The following CACNA1A variants were observed in gnomAD, a reference collection of about 807,000 sequenced individuals.
CACNA1A encodes the protein calcium voltage-gated channel subunit alpha1 A.
CACNA1A carries 57 observed loss-of-function variants against 262.4 expected under a neutral mutation model. The observed-to-expected ratio is 0.22, with a 90% CI of 0.18 to 0.27. The LOEUF is 0.27. Ranked by LOEUF, CACNA1A falls within the 10% of genes least tolerant of loss-of-function variation. CACNA1A has a pLI of 1.00. For synonymous variants in CACNA1A, 1,431 were observed against 1,419.3 expected (o/e 1.01, Z -0.18); for missense variants, 2,526 against 3,562.8 (o/e 0.71, Z 7.41).
intron 3 of CACNA1A, chr19:13,450,745 T>C (rs1048171701): frequency 1.5e-4 from 23 of 152,402 alleles, no homozygotes; most frequent in African/African-American, 5.3e-4. Flanking sequence ...GGTCTCAAAC[T>C]AGTTAGGCTC....
At chr19:13,434,782 A>G (rs1009753570) in intron 3 of CACNA1A, among the ~76,000 whole-genome samples, 3 of 151,692 alleles carry the variant, frequency 2.0e-5, no homozygotes, top group African/African-American at 7.3e-5. Flanking sequence ...CAGGGTTTTT[A>G]TTTATTTATT....
At chr19:13,265,299 C>T (rs1280730820) in intron 24 of CACNA1A, among the ~76,000 whole-genome samples, 2 of 152,228 alleles carry the variant, frequency 1.3e-5, no homozygotes, top group East Asian at 3.8e-4. Context: ...CATCTCCCTA[C>T]AGTGACCTCC....
chr19:13,352,209 C>T (rs2058924433), intron 6 of CACNA1A, among the ~76,000 whole-genome samples: 1 of 152,030 alleles, frequency 6.6e-6, no homozygotes, highest in African/African-American at 2.4e-5. Flanking sequence ...AGTTCGAGAC[C>T]AGCCTGGCCA....
At chr19:13,268,872 C>A (rs894232091) in intron 24 of CACNA1A, among the ~76,000 whole-genome samples, 14 of 144,174 alleles carry the variant, frequency 9.7e-5, no homozygotes, top group Non-Finnish European at 3.0e-5. Context: ...TTATTGCATA[C>A]GTAGAATCAT....
chr19:13,314,015 G>A (rs1366400311), intron 11 of CACNA1A, among the ~76,000 whole-genome samples: 11 of 152,138 alleles, frequency 7.2e-5, no homozygotes, highest in Non-Finnish European at 1.5e-4. Context: ...GTAAGACAAA[G>A]CCTTTTGTTC....
intron 31 of CACNA1A, among the ~76,000 whole-genome samples, chr19:13,240,374 TGTGTGTGCA>T (rs1278506371): frequency 6.6e-6 from 1 of 151,574 alleles, no homozygotes; most frequent in Non-Finnish European, 1.5e-5. Flanking sequence ...GTGCAGTGAC[TGTGTGTGCA>T]GTGTGTGTGC....
At chr19:13,445,870 C>G (rs1002231057) in intron 3 of CACNA1A, among the ~76,000 whole-genome samples, 2 of 152,168 alleles carry the variant, frequency 1.3e-5, no homozygotes, top group African/African-American at 4.8e-5. Context: ...ATCTTTTCCA[C>G]CAAACTTCAC....
chr19:13,374,123 G>A (rs532238953), intron 3 of CACNA1A, among the ~76,000 whole-genome samples: 1 of 152,194 alleles, frequency 6.6e-6, no homozygotes, highest in Non-Finnish European at 1.5e-5. Context: ...GACTGAAAGA[G>A]GGCTTGGCAA....
intron 1 of CACNA1A, among the ~76,000 whole-genome samples, chr19:13,493,141 G>A (rs1981103353): frequency 6.6e-6 from 1 of 152,102 alleles, no homozygotes; most frequent in African/African-American, 2.4e-5. Flanking sequence ...CGAATCTGTC[G>A]GTAGCAAGCC....
intron 1 of CACNA1A, among the ~76,000 whole-genome samples, chr19:13,499,462 C>A (rs1157050531): frequency 7.0e-6 from 1 of 142,362 alleles, no homozygotes; most frequent in Non-Finnish European, 1.5e-5. Flanking sequence ...GGGGGGGGCA[C>A]TTCGCTCCCA....
chr19:13,270,884 C>T (rs1319379680), intron 24 of CACNA1A, among the ~76,000 whole-genome samples: 6 of 152,204 alleles, frequency 3.9e-5, no homozygotes, highest in African/African-American at 1.2e-4. Flanking sequence ...AGGCACTTGC[C>T]AGGATCCTAC....
chr19:13,404,880 A>T (rs1204805029), intron 3 of CACNA1A, among the ~76,000 whole-genome samples: 1 of 152,102 alleles, frequency 6.6e-6, no homozygotes, highest in Non-Finnish European at 1.5e-5. Flanking sequence ...ATGATGATAA[A>T]AATGATATTA....
At chr19:13,312,576 G>C in intron 12 of CACNA1A, 93 bp downstream of exon 12, 1 of 719,250 alleles carries the variant, frequency 1.4e-6, no homozygotes, top group Non-Finnish European at 2.4e-6. Context: ...CATATTCAGG[G>C]GTGACTTTAC....
chr19:13,289,140 CT>C (rs36024401), intron 19 of CACNA1A, among the ~76,000 whole-genome samples: 301 of 122,200 alleles, frequency 2.5e-3, no homozygotes, highest in Middle Eastern at 4.1e-3. Context: ...TCGGCAATGT[CT>C]TTTTTTTTTT....
intron 6 of CACNA1A, among the ~76,000 whole-genome samples, chr19:13,355,375 C>T (rs1269970769): frequency 6.6e-6 from 1 of 152,146 alleles, no homozygotes; most frequent in Non-Finnish European, 1.5e-5. Context: ...ACTGTCAGAC[C>T]ATAAATTCCT....
At position 13,463,569 on chromosome 19, in the gene CACNA1A, G is replaced by A. The variant is rs563590968; in HGVS notation, c.294-8357C>T. On this transcript the variant is annotated intron_variant, in intron 1 of 46. Coordinates refer to ENST00000360228, the MANE Select transcript of CACNA1A (RefSeq NM_001127222.2). ...CTTGCACCCAGGGATGGGAATCCCC[G>A]GGGAGAGAAAACAAAACCAGCAGCA... Among the ~76,000 whole-genome samples the A allele has an allele frequency of 2.0e-5, 3 of 152,242 alleles. 1 individual carries two copies. Among genetic ancestry groups the A allele is most frequent in the Admixed American group, 1.3e-4 (2 of 15,294 alleles).
intron 30 of CACNA1A, among the ~76,000 whole-genome samples, chr19:13,251,038 G>A (rs551231070): frequency 4.0e-5 from 6 of 151,446 alleles, no homozygotes; most frequent in Non-Finnish European, 8.8e-5. Context: ...AGGCTGAGAT[G>A]GGAGAATCGC....
chr19:13,478,084 C>T (rs1439911937), intron 1 of CACNA1A, among the ~76,000 whole-genome samples: 1 of 152,190 alleles, frequency 6.6e-6, no homozygotes, highest in Non-Finnish European at 1.5e-5. Context: ...GCACCTCCCT[C>T]GAGCTGCTGT....
intron 3 of CACNA1A, among the ~76,000 whole-genome samples, chr19:13,402,857 T>TACACACACACACAC (rs1282745878): frequency 2.6e-5 from 2 of 75,838 alleles, no homozygotes; most frequent in African/African-American, 1.1e-4. Context: ...CATATATATA[T>TACACACACACACAC]ACACACACAC....
Sources: allele counts gnomAD v4.1 joint callset (sites outside exome capture counted in the v4.1 genomes callset), GRCh38; gene constraint gnomAD v4.1.1; transcripts MANE v1.5; gene names NCBI Gene and HGNC (gene_info 2026-07-23, HGNC 2026-07-21).